The following DCAF6 variants were observed in gnomAD, a reference collection of about 807,000 sequenced individuals.
DCAF6 encodes DDB1 and CUL4 associated factor 6.
A neutral mutation model predicts 125.1 loss-of-function variants in DCAF6; 54 were observed. That is an observed-to-expected ratio of 0.43 (90% CI 0.35 to 0.54). DCAF6 has a LOEUF of 0.54. Among genes scored for constraint, DCAF6 ranks in the 20% least tolerant of loss-of-function variants. The pLI, the probability that DCAF6 is intolerant of heterozygous loss-of-function variation, is 0.01. For missense variants in DCAF6, 934 were observed against 1,161.7 expected, an observed-to-expected ratio of 0.80 and a Z score of 2.85; for synonymous variants, 371 against 390.4, an observed-to-expected ratio of 0.95 and a Z score of 0.58.
At chr1:167,992,847 G>C (rs779380388) in intron 6 of DCAF6, among the ~76,000 whole-genome samples, 1 of 152,208 alleles carries the variant, frequency 6.6e-6, no homozygotes, top group African/African-American at 2.4e-5. Context: ...GCATACTAAT[G>C]TATGTAGTAT....
the DCAF6 span, among the ~76,000 whole-genome samples, chr1:167,929,833 G>A: frequency 1.3e-5 from 2 of 152,048 alleles, no homozygotes; most frequent in Admixed American, 1.3e-4. Flanking sequence ...GAAAAATAAA[G>A]TTTCTTACTG....
chr1:167,975,102 A>G (rs1677944303), intron 4 of DCAF6, 87 bp downstream of exon 4: 13 of 747,960 alleles, frequency 1.7e-5, no homozygotes, highest in Non-Finnish European at 2.4e-5. Flanking sequence ...ATGTGTGTAC[A>G]TGTACAGATG....
In DCAF6 at chr1:167,963,829, T is replaced by C. The variant is rs180994285; in HGVS notation, c.160-2800T>C. On this transcript the variant is annotated intron_variant, in intron 2 of 21. Transcript: ENST00000367840. The stretch of plus-strand genomic sequence containing the variant: ...TTTTAAACTTTTTAATTATTTGCCC[T>C]AAAGTTTTCACTATACATGTACAAC... Among the ~76,000 whole-genome samples, 28 of 152,368 alleles carry C rather than the reference T, an allele frequency of 1.8e-4. No homozygotes were observed. The East Asian group carries it at 5.2e-3, about 28-fold the overall frequency.
chr1:167,990,200 C>CA (rs1369010898), intron 5 of DCAF6, among the ~76,000 whole-genome samples: 3 of 151,850 alleles, frequency 2.0e-5, no homozygotes, highest in Non-Finnish European at 4.4e-5. Flanking sequence ...CCTATTTGTA[C>CA]AAAATTTTTT....
chr1:167,875,081 G>T, the DCAF6 span: 2 of 1,425,654 alleles, frequency 1.4e-6, no homozygotes, highest in Non-Finnish European at 2.0e-6. Context: ...TTTTCTGCAT[G>T]TTTTGTTTTA....
At chr1:167,967,430 A>T (rs1446770019) in intron 3 of DCAF6, among the ~76,000 whole-genome samples, 2 of 152,222 alleles carry the variant, frequency 1.3e-5, no homozygotes, top group South Asian at 2.1e-4. Context: ...CTTTACAAGG[A>T]TGGTTTCAGA....
chr1:167,886,654 G>A, the DCAF6 span, among the ~76,000 whole-genome samples: 1 of 152,184 alleles, frequency 6.6e-6, no homozygotes, highest in African/African-American at 2.4e-5. Flanking sequence ...CTTCATGACT[G>A]AAACACCAAA....
chr1:167,956,401 G>A (rs1468875716), intron 2 of DCAF6, among the ~76,000 whole-genome samples: 1 of 152,004 alleles, frequency 6.6e-6, no homozygotes, highest in Admixed American at 6.6e-5. Flanking sequence ...AGAATCTGTA[G>A]TGTATGTTAC....
chr1:167,989,315 A>G (rs958031794), intron 5 of DCAF6, among the ~76,000 whole-genome samples: 10 of 152,190 alleles, frequency 6.6e-5, no homozygotes, highest in African/African-American at 2.4e-4. Context: ...TCAGTGTAGT[A>G]AGATTTAGTT....
chr1:167,968,305 G>A (rs1389927242), intron 3 of DCAF6, among the ~76,000 whole-genome samples: 1 of 152,112 alleles, frequency 6.6e-6, no homozygotes, highest in African/African-American at 2.4e-5. Context: ...ACTATGAACC[G>A]CCACTAACCC....
chr1:168,015,819 C>A lies in DCAF6; in HGVS notation c.1417C>A (p.Arg473Ser). 6.5e-7 allele frequency: 1 copy of A among 1,530,110 alleles called. No homozygotes were observed. Among genetic ancestry groups the A allele is most frequent in the Non-Finnish European group, 8.8e-7 (1 of 1,136,150 alleles). The allele number at this position is 1,530,110 out of a possible 1,614,324, so 94.8% of individuals were successfully genotyped here. A position where few individuals can be genotyped will look rare whatever the true frequency, so the allele number is the denominator to read the frequency against. The change falls in exon 11 of 22, where the codon CGC (arginine) becomes AGC (serine). Residue 473 changes from arginine (R) to serine (S), a missense_variant. Arg to Ser is a moderately radical substitution (Grantham distance 110). Around this residue, in one of 5 missense-constraint regions of DCAF6, gnomAD observed 559 missense variants for 635.5 expected, o/e 0.88. Transcript: ENST00000367840. ...CCCTGAGATAGCTTTGCTTCGTAAG[C>A]GCCTGCAACAACTGAGGCTTAAGAA... Reference protein sequence around the residue: ...RGPEIALLRKRLQQLRLKKAE... With the variant: ...RGPEIALLRKSLQQLRLKKAE...
intron 1 of DCAF6, among the ~76,000 whole-genome samples, chr1:167,947,198 T>C (rs1015007105): frequency 6.6e-6 from 1 of 152,212 alleles, no homozygotes; most frequent in Non-Finnish European, 1.5e-5. Flanking sequence ...TTTGTACTTC[T>C]GTGGAATCAG....
At chr1:167,963,433 TTC>T (rs1400269108) in intron 2 of DCAF6, among the ~76,000 whole-genome samples, 1 of 113,120 alleles carries the variant, frequency 8.8e-6, no homozygotes, top group Non-Finnish European at 1.7e-5. Flanking sequence ...TTTTTTTTGT[TTC>T]TGTTTTTTTT....
At position 167,992,278 on chromosome 1, in the gene DCAF6, CACACAA is replaced by C. The variant is rs879411433; in HGVS notation, c.689-943_689-938del. 8.4e-3 allele frequency among the ~76,000 whole-genome samples: 1,091 copies of C among 129,452 alleles called. 7 individuals carry two copies. Among genetic ancestry groups the C allele is most frequent in the South Asian group, 0.017 (80 of 4,646 alleles). 84.9% of individuals were successfully genotyped at this position (129,452 alleles called of 152,430 possible). ...ACACACACACACACACACACACACA[CACACAA>C]ACACCGAATGCACATTCATATATTC... On this transcript the variant is annotated intron_variant, in intron 6 of 21. Transcript: ENST00000367840.
chr1:168,009,734 T>C (rs1237001354), intron 10 of DCAF6, among the ~76,000 whole-genome samples: 1 of 152,118 alleles, frequency 6.6e-6, no homozygotes, highest in Non-Finnish European at 1.5e-5. Context: ...GACAAGTCTT[T>C]CATAACTACC....
At chr1:167,954,042 C>T (rs1418214656) in intron 2 of DCAF6, among the ~76,000 whole-genome samples, 2 of 152,164 alleles carry the variant, frequency 1.3e-5, no homozygotes, top group Non-Finnish European at 2.9e-5. Flanking sequence ...AGTCTCACTC[C>T]GTCTTCCAGG....
At chr1:167,945,174 C>CTT (rs1278798272) in intron 1 of DCAF6, among the ~76,000 whole-genome samples, 1 of 152,128 alleles carries the variant, frequency 6.6e-6, no homozygotes, top group Non-Finnish European at 1.5e-5. Flanking sequence ...TAGCTTTATT[C>CTT]TTTTTGCTCA....
chr1:168,044,764 T>G, intron 15 of DCAF6, 93 bp downstream of exon 15: 1 of 1,403,890 alleles, frequency 7.1e-7, no homozygotes, highest in Non-Finnish European at 9.9e-7. Context: ...CATGTTCAAG[T>G]GTATTGTGGA....
In DCAF6 at chr1:168,030,018, A is replaced by T. The variant is rs537503097; in HGVS notation, c.1609+6971A>T. ...AGAAAAGAAACATGTCTAAGGTTGC[A>T]CACAGCTAGTAAGCGTTAGAAACGT... On this transcript the variant is annotated intron_variant, in intron 12 of 21. Transcript: ENST00000367840. Among the ~76,000 whole-genome samples the T allele has an allele frequency of 1.2e-4, 18 of 152,134 alleles. No homozygotes were observed. The South Asian group carries it at 3.7e-3, about 32-fold the overall frequency.
Sources: gnomAD v4.1 joint callset for allele counts (sites outside exome capture counted in the v4.1 genomes callset) on GRCh38, gnomAD v4.1.1 for gene constraint, gnomAD v4.1.1 regional missense constraint, MANE v1.5 for transcripts, NCBI Gene and HGNC (gene_info 2026-07-23, HGNC 2026-07-21) for gene names.